DDAH1: variants seen among roughly 807,000 people sequenced by gnomAD.
The protein encoded by DDAH1 is dimethylarginine dimethylaminohydrolase 1.
In DDAH1, 19 loss-of-function variants were observed where a neutral mutation model predicts 28.8. The observed-to-expected ratio is 0.66, with a 90% CI of 0.46 to 0.97. DDAH1 has a LOEUF of 0.97. Among genes scored for constraint, DDAH1 ranks in the 50% least tolerant of loss-of-function variants. The pLI is 0.00. For synonymous variants in DDAH1, 153 were observed against 154.4 expected (o/e 0.99, Z 0.07); for missense variants, 326 against 375.9 (o/e 0.87, Z 1.10).
rs549152081 is a variant in DDAH1, at chr1:85,434,656, T to C, written c.303+30087A>G. On this transcript the variant is annotated intron_variant, in intron 1 of 5. Coordinates refer to ENST00000284031, the MANE Select transcript of DDAH1 (RefSeq NM_012137.4). ...ATCCTCCTGCCTCAGCCTCCCAAAG[T>C]GGTGGGATTACAGGAATTAGCCACC... Among the ~76,000 whole-genome samples the C allele has an allele frequency of 2.0e-5, 3 of 152,212 alleles. No individual in the cohort carries two copies. In the South Asian group the frequency reaches 6.2e-4, roughly 32 times the overall value.
chr1:85,568,513 G>C (rs758878387), intron 1 of DDAH1, among the ~76,000 whole-genome samples: 2 of 152,256 alleles, frequency 1.3e-5, no homozygotes, highest in African/African-American at 4.8e-5. Flanking sequence ...ATCATTTCAA[G>C]TAAGGCCAAG....
At chr1:85,424,943 A>C (rs1431102654) in intron 1 of DDAH1, among the ~76,000 whole-genome samples, 1 of 152,146 alleles carries the variant, frequency 6.6e-6, no homozygotes, top group African/African-American at 2.4e-5. Context: ...AATGAGAATG[A>C]TCACAGTCAT....
chr1:85,535,406 A>G (rs1307344883), intron 1 of DDAH1, among the ~76,000 whole-genome samples: 1 of 119,726 alleles, frequency 8.4e-6, no homozygotes, highest in South Asian at 3.3e-4. Context: ...GTTTCAGCCC[A>G]TTTCCCTTTG....
chr1:85,548,453 C>T (rs1485833320), intron 1 of DDAH1, among the ~76,000 whole-genome samples: 1 of 152,132 alleles, frequency 6.6e-6, no homozygotes, highest in African/African-American at 2.4e-5. Flanking sequence ...CAGTGTAAAA[C>T]ATTTTACCTA....
At chr1:85,361,218 A>G (rs553919202) in intron 1 of DDAH1, among the ~76,000 whole-genome samples, 2 of 152,342 alleles carry the variant, frequency 1.3e-5, no homozygotes, top group South Asian at 4.1e-4. Flanking sequence ...CAGGCCTGAC[A>G]CATGGGTCCA....
chr1:85,394,457 C>T (rs1323256384), intron 1 of DDAH1, among the ~76,000 whole-genome samples: 1 of 152,148 alleles, frequency 6.6e-6, no homozygotes, highest in East Asian at 1.9e-4. Flanking sequence ...TTACAAATTA[C>T]CAAGTCTTTG....
intron 1 of DDAH1, among the ~76,000 whole-genome samples, chr1:85,575,170 A>G (rs545874520): frequency 5.3e-5 from 8 of 152,204 alleles, no homozygotes; most frequent in African/African-American, 1.4e-4. Context: ...GGTCAAGGCT[A>G]TGGTGAGCCT....
chr1:85,354,378 G>A (rs1339927079), intron 2 of DDAH1, among the ~76,000 whole-genome samples: 1 of 152,054 alleles, frequency 6.6e-6, no homozygotes, highest in East Asian at 1.9e-4. Context: ...GTGTGTTCAA[G>A]TGGCATCAGC....
intron 1 of DDAH1, among the ~76,000 whole-genome samples, chr1:85,499,699 C>T (rs1656727127): frequency 6.6e-6 from 1 of 151,850 alleles, no homozygotes; most frequent in African/African-American, 2.4e-5. Flanking sequence ...TGAATTGTTA[C>T]CATTTAGAGA....
intron 4 of DDAH1, among the ~76,000 whole-genome samples, chr1:85,340,659 G>A (rs1251711828): frequency 6.6e-6 from 1 of 152,046 alleles, no homozygotes; most frequent in African/African-American, 2.4e-5. Context: ...AATGGCATCA[G>A]CTAGTTTTAT....
intron 1 of DDAH1, among the ~76,000 whole-genome samples, chr1:85,385,893 G>C (rs1056448356): frequency 6.6e-6 from 1 of 152,154 alleles, no homozygotes; most frequent in African/African-American, 2.4e-5. Context: ...AATGGGAGCA[G>C]GTATAAGCAG....
At chr1:85,400,180 T>TC in intron 1 of DDAH1, among the ~76,000 whole-genome samples, 1 of 24,130 alleles carries the variant, frequency 4.1e-5, no homozygotes, top group African/African-American at 1.3e-4. Flanking sequence ...TTCTTTTCTT[T>TC]TTTTTTTTTT....
At chr1:85,534,535 G>T (rs1198344422) in intron 1 of DDAH1, among the ~76,000 whole-genome samples, 1 of 152,000 alleles carries the variant, frequency 6.6e-6, no homozygotes, top group African/African-American at 2.4e-5. Flanking sequence ...GAGAAGCCAA[G>T]ATATTAGTTA....
chr1:85,531,367 G>A (rs1283799347), intron 1 of DDAH1, among the ~76,000 whole-genome samples: 4 of 152,078 alleles, frequency 2.6e-5, no homozygotes, highest in Non-Finnish European at 4.4e-5. Context: ...GCTACTCCAC[G>A]TGTCAATCAA....
chr1:85,417,942 C>CTGTAATATGTA (rs1213442491), intron 1 of DDAH1, among the ~76,000 whole-genome samples: 2 of 152,226 alleles, frequency 1.3e-5, no homozygotes, highest in Non-Finnish European at 2.9e-5. Flanking sequence ...TTACATACCA[C>CTGTAATATGTA]ATACCATTCT....
chr1:85,341,107 G>A (rs1403009351), intron 4 of DDAH1, among the ~76,000 whole-genome samples: 1 of 152,216 alleles, frequency 6.6e-6, no homozygotes, highest in Non-Finnish European at 1.5e-5. Context: ...GTGTTGCACG[G>A]TGACAGTTTT....
At chr1:85,373,679 T>C (rs754690050) in intron 1 of DDAH1, among the ~76,000 whole-genome samples, 1 of 152,156 alleles carries the variant, frequency 6.6e-6, no homozygotes, top group Non-Finnish European at 1.5e-5. Context: ...CTGTATAAAT[T>C]ACCCAGTCTT....
chr1:85,461,920 C>T (rs745355435), intron 1 of DDAH1, among the ~76,000 whole-genome samples: 11 of 152,140 alleles, frequency 7.2e-5, no homozygotes, highest in Non-Finnish European at 1.6e-4. Flanking sequence ...TCTCTAAACC[C>T]GAGTTCAAAT....
At chr1:85,533,476 A>G (rs1306748426) in intron 1 of DDAH1, among the ~76,000 whole-genome samples, 2 of 152,208 alleles carry the variant, frequency 1.3e-5, no homozygotes, top group East Asian at 3.8e-4. Flanking sequence ...TAAAATCTAA[A>G]GTAACTGGAG....
Sources: gnomAD v4.1 joint callset for allele counts (sites outside exome capture counted in the v4.1 genomes callset) on GRCh38, gnomAD v4.1.1 for gene constraint, MANE v1.5 for transcripts, NCBI Gene and HGNC (gene_info 2026-07-23, HGNC 2026-07-21) for gene names.